PKD1L1: variants seen among roughly 807,000 people sequenced by gnomAD.
PKD1L1 encodes the protein polycystin 1 like 1, transient receptor potential channel interacting.
A neutral mutation model predicts 323.4 loss-of-function variants in PKD1L1; 236 were observed. The observed-to-expected ratio is 0.73, with a 90% CI of 0.66 to 0.81. The LOEUF (loss-of-function observed/expected upper bound fraction) is 0.81, where lower values mean the gene tolerates loss of function less well. Among genes scored for constraint, PKD1L1 ranks in the 40% least tolerant of loss-of-function variants. PKD1L1 has a pLI of 0.00. For synonymous variants in PKD1L1, 1,344 were observed against 1,335.0 expected (o/e 1.01, Z -0.15); for missense variants, 3,320 against 3,508.0 (o/e 0.95, Z 1.35).
intron 36 of PKD1L1, among the ~76,000 whole-genome samples, chr7:47,838,894 AAAAG>A (rs1457622573): frequency 6.6e-6 from 1 of 151,522 alleles, no homozygotes; most frequent in Non-Finnish European, 1.5e-5. Context: ...AAAAAAAAAA[AAAAG>A]AAAGAAAGTG....
chr7:47,830,180 C>A, intron 42 of PKD1L1, 56 bp from the exon 43 acceptor site: 1 of 1,448,416 alleles, frequency 6.9e-7, no homozygotes, highest in Non-Finnish European at 9.6e-7. Flanking sequence ...GGCCACCCAG[C>A]AGTCATTGCT....
chr7:47,802,483 G>C (rs1451943443), intron 53 of PKD1L1, among the ~76,000 whole-genome samples: 1 of 152,126 alleles, frequency 6.6e-6, no homozygotes, highest in African/African-American at 2.4e-5. Context: ...AGGTGAATAG[G>C]GCTTGCAGAA....
intron 21 of PKD1L1, among the ~76,000 whole-genome samples, chr7:47,878,763 G>A (rs1038137965): frequency 1.3e-5 from 2 of 152,178 alleles, no homozygotes; most frequent in Non-Finnish European, 2.9e-5. Flanking sequence ...TTAGAGTCAC[G>A]AGGGGGCCTG....
At chr7:47,850,913 G>T (rs995635656) in intron 31 of PKD1L1, among the ~76,000 whole-genome samples, 2 of 152,126 alleles carry the variant, frequency 1.3e-5, no homozygotes, top group Non-Finnish European at 2.9e-5. Flanking sequence ...GTATACTGTA[G>T]GATAGAGCAA....
intron 10 of PKD1L1, 43 bp from the exon 11 acceptor site, chr7:47,905,368 G>A (rs1395609386): frequency 1.3e-6 from 2 of 1,586,964 alleles, no homozygotes; most frequent in Non-Finnish European, 8.6e-7. Flanking sequence ...CAACATAGGA[G>A]GGCTGGAATC....
chr7:47,821,254 T>A (rs1584968161), intron 45 of PKD1L1, 68 bp from the exon 46 acceptor site: 5 of 840,320 alleles, frequency 6.0e-6, no homozygotes, highest in Non-Finnish European at 9.4e-6. Context: ...TGCTTCAATT[T>A]GCAAAAGATT....
At chr7:47,809,277 T>C (rs530945830) in intron 51 of PKD1L1, 196 bp downstream of exon 51, 5 of 521,492 alleles carry the variant, frequency 9.6e-6, no homozygotes, top group Non-Finnish European at 1.7e-5. Flanking sequence ...ATTCGTGTGG[T>C]ACATGACGGT....
intron 30 of PKD1L1, 72 bp from the exon 31 acceptor site, chr7:47,853,299 T>G: frequency 8.9e-7 from 1 of 1,122,170 alleles, no homozygotes; most frequent in Non-Finnish European, 1.3e-6. Flanking sequence ...CAAATTTCTA[T>G]CAAGAGTTTA....
At chr7:47,879,357 G>A (rs1344764462) in intron 21 of PKD1L1, among the ~76,000 whole-genome samples, 1 of 152,180 alleles carries the variant, frequency 6.6e-6, no homozygotes, top group Non-Finnish European at 1.5e-5. Context: ...GCTGGGTGCG[G>A]TGGCTTATGA....
rs755286014 is a variant in PKD1L1 at position 47,908,229 on chromosome 7, G to A, written c.1250C>T (p.Ala417Val). ...TCCATGAAACTCGTTATAAATAACAGCCTTGAGCATATAGACTCCTTCTGG... is the reference window on the plus strand; with the variant it reads ...TCCATGAAACTCGTTATAAATAACAACCTTGAGCATATAGACTCCTTCTGG... ...FVTKGVYMLK[A>V]VIYNEFHGTE... The change falls in exon 9 of 57, where the codon GCT becomes GTT. Residue 417 changes from alanine (A) to valine (V), a missense_variant. Physicochemically the swap from Ala to Val is moderately conservative, Grantham distance 64 (BLOSUM62 0). Transcript: ENST00000289672. The A allele has an allele frequency of 1.2e-5, 20 of 1,613,770 alleles. No homozygotes were observed. In the East Asian group the frequency reaches 4.5e-4, roughly 36 times the overall value.
intron 45 of PKD1L1, among the ~76,000 whole-genome samples, chr7:47,824,756 C>G (rs960277123): frequency 2.6e-5 from 4 of 152,176 alleles, no homozygotes; most frequent in Non-Finnish European, 5.9e-5. Flanking sequence ...TGCAGCGAAT[C>G]CTGCAGGCCT....
the PKD1L1 span, among the ~76,000 whole-genome samples, chr7:47,953,682 C>G: frequency 6.6e-6 from 1 of 152,224 alleles, no homozygotes; most frequent in South Asian, 2.1e-4. Flanking sequence ...GCTCCAAAAA[C>G]TGGTAAAGCC....
At chr7:47,952,616 T>TC (rs936168962), upstream of PKD1L1, among the ~76,000 whole-genome samples, 1 of 152,192 alleles carries the variant, frequency 6.6e-6, no homozygotes, top group African/African-American at 2.4e-5. Context: ...GATAAGTATG[T>TC]CCTAAGTGAT....
chr7:47,811,780 T>C (rs1211403645), intron 50 of PKD1L1, 37 bp downstream of exon 50: 1 of 1,518,326 alleles, frequency 6.6e-7, no homozygotes, highest in South Asian at 1.2e-5. Flanking sequence ...CATCTTCCTG[T>C]GCACCTCCAG....
At chr7:47,828,491 C>G (rs1164366214) in intron 44 of PKD1L1, among the ~76,000 whole-genome samples, 1 of 151,978 alleles carries the variant, frequency 6.6e-6, no homozygotes, top group Non-Finnish European at 1.5e-5. Flanking sequence ...GAGGAAAGGG[C>G]AAGGTGGGCC....
intron 55 of PKD1L1, 22 bp from the exon 56 acceptor site, chr7:47,792,819 T>G: frequency 6.3e-7 from 1 of 1,592,456 alleles, no homozygotes. Context: ...AAAATTAGAT[T>G]AGTAAATGCA....
intron 22 of PKD1L1, 62 bp from the exon 23 acceptor site, chr7:47,876,279 A>G (rs901051501): frequency 1.3e-5 from 20 of 1,541,452 alleles, no homozygotes; most frequent in Non-Finnish European, 1.5e-5. Flanking sequence ...TGATATCACA[A>G]TACATACACA....
chr7:47,892,153 T>C (rs1786834662), intron 15 of PKD1L1, among the ~76,000 whole-genome samples: 1 of 152,158 alleles, frequency 6.6e-6, no homozygotes, highest in African/African-American at 2.4e-5. Context: ...GGGTGACTAC[T>C]GTGAAGAAAG....
chr7:47,819,772 T>C, intron 46 of PKD1L1: 1 of 301,828 alleles, frequency 3.3e-6, no homozygotes, highest in Non-Finnish European at 6.3e-6. Flanking sequence ...CATTAGCCAT[T>C]ATCTTGCTGC....
Sources: allele counts gnomAD v4.1 joint callset (sites outside exome capture counted in the v4.1 genomes callset), GRCh38; gene constraint gnomAD v4.1.1; transcripts MANE v1.5; gene names NCBI Gene and HGNC (gene_info 2026-07-23, HGNC 2026-07-21).